LRRC27: variants seen among roughly 807,000 people sequenced by gnomAD.
LRRC27 encodes the protein leucine-rich repeat-containing protein 27.
In LRRC27, 57 loss-of-function variants were observed where a neutral mutation model predicts 55.0. That is an observed-to-expected ratio of 1.04 (90% CI 0.84 to 1.29). The LOEUF is 1.29. Among genes scored for constraint, LRRC27 ranks in the 50% most tolerant of loss-of-function variants. LRRC27 has a pLI of 0.00. For synonymous variants in LRRC27, 278 were observed against 251.9 expected, an observed-to-expected ratio of 1.10 and a Z score of -0.98; for missense variants, 721 against 651.5, an observed-to-expected ratio of 1.11 and a Z score of -1.16.
intron 10 of LRRC27, among the ~76,000 whole-genome samples, chr10:132,370,993 C>T (rs960145663): frequency 1.3e-5 from 2 of 152,370 alleles, no homozygotes; most frequent in East Asian, 1.9e-4. Context: ...GTCCTGGCTC[C>T]GTGGCTGTGT....
chr10:132,353,361 C>T (rs892856245), intron 7 of LRRC27: 5 of 1,079,150 alleles, frequency 4.6e-6, no homozygotes, highest in African/African-American at 1.6e-5. Context: ...GGCTCACCTG[C>T]TCCCTCCCCA....
At chr10:132,366,371 G>C (rs917672308) in intron 10 of LRRC27, 1 of 152,460 alleles carries the variant, frequency 6.6e-6, no homozygotes, top group African/African-American at 2.4e-5. Context: ...CACGGAAGTG[G>C]CTCCTATATA....
At chr10:132,364,187 T>C (rs1257621082) in intron 9 of LRRC27, among the ~76,000 whole-genome samples, 1 of 151,884 alleles carries the variant, frequency 6.6e-6, no homozygotes, top group African/African-American at 2.4e-5. Context: ...TTTCCATAGT[T>C]ACTCTGAAAA....
At chr10:132,365,580 G>C in intron 10 of LRRC27, 30 bp downstream of exon 10, 1 of 1,605,018 alleles carries the variant, frequency 6.2e-7, no homozygotes, top group South Asian at 1.1e-5. Flanking sequence ...GTTTAAAAAA[G>C]TGTGGGGTGT....
chr10:132,365,973 G>A (rs974590529), intron 10 of LRRC27, among the ~76,000 whole-genome samples: 1 of 152,252 alleles, frequency 6.6e-6, no homozygotes, highest in Non-Finnish European at 1.5e-5. Context: ...TGTGGAATGT[G>A]TCTTATGAGG....
chr10:132,359,058 G>A (rs866687903), intron 8 of LRRC27, among the ~76,000 whole-genome samples: 31 of 41,830 alleles, frequency 7.4e-4, no homozygotes, highest in African/African-American at 2.6e-3. Flanking sequence ...GGGAGGAGCC[G>A]AGGTGGTGGA....
At chr10:132,339,055 G>T (rs2067266248) in intron 3 of LRRC27, among the ~76,000 whole-genome samples, 1 of 152,200 alleles carries the variant, frequency 6.6e-6, no homozygotes, top group South Asian at 2.1e-4. Flanking sequence ...CCCCATATCA[G>T]CTGGGGCCAC....
chr10:132,356,255 A>C (rs574600708), intron 8 of LRRC27, among the ~76,000 whole-genome samples: 1 of 152,238 alleles, frequency 6.6e-6, no homozygotes. Flanking sequence ...GATTCAAAAG[A>C]TAAAAAGCAG....
At chr10:132,330,404 C>G (rs895568865), upstream of LRRC27, 1 of 716,724 alleles carries the variant, frequency 1.4e-6, no homozygotes, top group African/African-American at 1.7e-5. Flanking sequence ...ACACCCATGT[C>G]ACTCCTCATT....
At chr10:132,336,729 A>G in intron 2 of LRRC27, 4 of 752,698 alleles carry the variant, frequency 5.3e-6, no homozygotes, top group Non-Finnish European at 9.9e-6. Flanking sequence ...TTTGAAACCT[A>G]GATGTGGATC....
rs1484605833 is a variant in LRRC27, at chr10:132,378,323, A to G, written c.*3081A>G. 6.7e-6 allele frequency: 1 copy of G among 149,140 alleles called. No individual in the cohort carries two copies. Among genetic ancestry groups the G allele is most frequent in the Non-Finnish European group, 1.5e-5 (1 of 67,442 alleles). The allele number at this position is 149,140 out of a possible 1,614,324, so 9.2% of individuals were successfully genotyped here. ...CCTGGATGTAATTTTCTTTTTACGT[A>G]TTTTTCTTGGAATATACAGAACTCA... On this transcript the variant is annotated 3_prime_UTR_variant, in exon 11 of 11. Transcript: ENST00000368614.
upstream of LRRC27, chr10:132,331,457 C>T (rs1345897149): frequency 2.5e-6 from 4 of 1,611,942 alleles, no homozygotes; most frequent in Non-Finnish European, 3.4e-6. Context: ...GCCCCCCTCA[C>T]TCCTCCGTCC....
upstream of LRRC27, chr10:132,331,900 G>A (rs1277113279): frequency 1.2e-6 from 1 of 846,726 alleles, no homozygotes; most frequent in Non-Finnish European, 1.7e-6. Context: ...TGCCACCCCC[G>A]CGCAGGCGCA....
intron 7 of LRRC27, chr10:132,352,809 G>T: frequency 6.4e-7 from 1 of 1,552,474 alleles, no homozygotes; most frequent in Non-Finnish European, 8.8e-7. Context: ...CCTTGTGTCC[G>T]TCTTTGCCCT....
At chr10:132,357,990 T>C (rs941231401) in intron 8 of LRRC27, among the ~76,000 whole-genome samples, 4 of 152,218 alleles carry the variant, frequency 2.6e-5, no homozygotes, top group African/African-American at 9.6e-5. Flanking sequence ...GCTGCTTCCC[T>C]GTGCCACCCT....
chr10:132,348,379 G>A lies in LRRC27; in HGVS notation c.926+23G>A, dbSNP rs2067829099. The A allele has an allele frequency of 1.3e-6, 2 of 1,596,358 alleles. No individual in the cohort carries two copies. The highest frequency in any genetic ancestry group is 8.5e-7 in the Non-Finnish European group (1 of 1,170,594). On this transcript the variant is annotated intron_variant, in intron 6 of 10. Transcript: ENST00000368614. This position sits in a 1 kb window ranked among gnomAD's most constrained non-coding sequence, Gnocchi z 4.2. Reference sequence around the variant, plus strand: ...CAGGTAAAACTGAAAAGCAACGGGGGATTTTCTTGATCTTTGCGAATTTAT... The same window carrying A: ...CAGGTAAAACTGAAAAGCAACGGGGAATTTTCTTGATCTTTGCGAATTTAT...
intron 9 of LRRC27, among the ~76,000 whole-genome samples, chr10:132,362,437 G>T (rs575507761): frequency 6.6e-6 from 1 of 152,292 alleles, no homozygotes; most frequent in East Asian, 1.9e-4. Flanking sequence ...TGGGTGGCCC[G>T]GCGAGTTCAC....
rs2067857744 is a variant in LRRC27, at chr10:132,348,880, T to C, written c.926+524T>C. ...CTGGGGACAAAAGGAAGGCAGTCATTGTGTGGCCCACTTCCAAAGCTTGCC... is the reference window on the plus strand; with the variant it reads ...CTGGGGACAAAAGGAAGGCAGTCATCGTGTGGCCCACTTCCAAAGCTTGCC... On this transcript the variant is annotated intron_variant, in intron 6 of 10. Coordinates refer to ENST00000368614, the MANE Select transcript of LRRC27 (RefSeq NM_030626.3). The surrounding 1 kb of genome is among the most constrained non-coding windows in gnomAD (Gnocchi z 4.2). 1.1e-6 allele frequency: 1 copy of C among 927,930 alleles called. No homozygotes were observed. Among genetic ancestry groups the C allele is most frequent in the East Asian group, 2.7e-5 (1 of 37,590 alleles). 57.5% of individuals were successfully genotyped at this position (927,930 alleles called of 1,614,324 possible).
Position 132,348,038 on chromosome 10 carries a change from A to G in LRRC27, c.608A>G (p.Glu203Gly). 1 of 1,613,554 alleles carries G rather than the reference A, an allele frequency of 6.2e-7. No homozygotes were observed. Residue 203 changes from glutamate (E) to glycine (G), a missense_variant, in exon 6 of 11, where the codon GAG becomes GGG. Transcript: ENST00000368614. This position sits in a 1 kb window ranked among gnomAD's most constrained non-coding sequence, Gnocchi z 4.2. ...CGTGACCTCCCGAGCCCAGGACTGGAGTTGTCTGGAGACCACGCGTCTAAC... is the reference window on the plus strand; with the variant it reads ...CGTGACCTCCCGAGCCCAGGACTGGGGTTGTCTGGAGACCACGCGTCTAAC... ...TLRDLPSPGL[E>G]LSGDHASNQG...
Sources: gnomAD v4.1 joint callset for allele counts (sites outside exome capture counted in the v4.1 genomes callset) on GRCh38, gnomAD v4.1.1 for gene constraint, Gnocchi (gnomAD v3.1) non-coding constraint, MANE v1.5 for transcripts, NCBI Gene and HGNC (gene_info 2026-07-23, HGNC 2026-07-21) for gene names.